Variants in CCNL1 observed in about 807,000 individuals in gnomAD.
CCNL1 encodes the protein cyclin L1.
CCNL1 carries 13 observed loss-of-function variants against 60.6 expected under a neutral mutation model. The observed-to-expected ratio is 0.21, with a 90% CI of 0.14 to 0.34. The LOEUF is 0.34. CCNL1 is among the 10% of genes least tolerant of loss of function. The pLI is 1.00. For synonymous variants in CCNL1, 270 were observed against 244.3 expected (o/e 1.10, Z -0.98); for missense variants, 481 against 664.3 (o/e 0.72, Z 3.03).
Position 157,147,876 on chromosome 3 carries a change from C to T in CCNL1, c.*365G>A, listed in dbSNP as rs1472445324. On this transcript the variant is annotated 3_prime_UTR_variant, in exon 11 of 11. Coordinates refer to ENST00000295926, the MANE Select transcript of CCNL1 (RefSeq NM_020307.4). The stretch of plus-strand genomic sequence containing the variant: ...GACAAACCAGTGTTAAGAAAGTATT[C>T]ACCATCATTTAAACAAATAACCACT... The T allele has an allele frequency of 1.0e-6, 1 of 1,000,194 alleles. No individual in the cohort carries two copies. The highest frequency in any genetic ancestry group is 1.7e-5 in the African/African-American group (1 of 57,840). The allele number at this position is 1,000,194 out of a possible 1,614,324, so 62.0% of individuals were successfully genotyped here.
intron 3 of CCNL1, among the ~76,000 whole-genome samples, chr3:157,157,838 T>A (rs975375113): frequency 6.6e-6 from 1 of 152,206 alleles, no homozygotes; most frequent in African/African-American, 2.4e-5. Flanking sequence ...AATATTTGCT[T>A]GTCTGAATAG....
chr3:157,145,466 C>CAAAA (rs1737755942), downstream of CCNL1, among the ~76,000 whole-genome samples: 18 of 88,960 alleles, frequency 2.0e-4, no homozygotes, highest in African/African-American at 8.3e-4. Flanking sequence ...AAAAAAAAAC[C>CAAAA]AAAACGGGAT....
At position 157,149,855 on chromosome 3, in the gene CCNL1, A is replaced by G. The variant is rs148365707; in HGVS notation, c.1002T>C (p.Phe334=). ...GTPALSTLGG[F]SPASKPSSPR... is the part of the protein sequence containing the mutation. ...TCTTACATGGCTTGGAGGCTGGAGA[A>G]AATCCACCCAGGGTTGAAAGGGCTG... Residue 334 remains phenylalanine, a synonymous_variant, in exon 8 of 11, where the codon TTT becomes TTC. Transcript: ENST00000295926. The G allele has an allele frequency of 1.1e-4, 181 of 1,613,938 alleles. 1 individual carries two copies. In the African/African-American group the frequency reaches 2.1e-3, roughly 19 times the overall value.
chr3:157,144,878 A>G (rs1196041575), downstream of CCNL1, among the ~76,000 whole-genome samples: 2 of 152,234 alleles, frequency 1.3e-5, no homozygotes, highest in African/African-American at 4.8e-5. Context: ...TTGTTATGAT[A>G]TTATTTTTGG....
In CCNL1 at chr3:157,150,057, G is replaced by C. The variant is rs1482267939; in HGVS notation, c.879+8C>G. The C allele has an allele frequency of 1.2e-6, 2 of 1,608,414 alleles. No individual in the cohort carries two copies. Among genetic ancestry groups the C allele is most frequent in the Non-Finnish European group, 1.7e-6 (2 of 1,178,288 alleles). ...GCATGTTGGCACAAACGAGTAAATAGAGAATACCTTTTTTCTGGTATAAAG... is the reference window on the plus strand; with the variant it reads ...GCATGTTGGCACAAACGAGTAAATACAGAATACCTTTTTTCTGGTATAAAG... On this transcript the variant is annotated splice_region_variant and intron_variant, in intron 7 of 10. Coordinates refer to ENST00000295926, the MANE Select transcript of CCNL1 (RefSeq NM_020307.4).
intron 5 of CCNL1, chr3:157,150,616 C>A: frequency 3.3e-6 from 4 of 1,199,422 alleles, no homozygotes; most frequent in Admixed American, 3.8e-5. Context: ...TAAATTATTT[C>A]ATATTACAAT....
chr3:157,155,001 A>G (rs1016732939), intron 3 of CCNL1, among the ~76,000 whole-genome samples: 8 of 152,122 alleles, frequency 5.3e-5, no homozygotes, highest in African/African-American at 1.4e-4. Flanking sequence ...CTTAAGGTCT[A>G]TGATCAGGTT....
At chr3:157,143,691 A>T (rs1280398483), downstream of CCNL1, among the ~76,000 whole-genome samples, 2 of 152,154 alleles carry the variant, frequency 1.3e-5, no homozygotes, top group Admixed American at 6.5e-5. Context: ...GTGTTTAGAG[A>T]GGCTTACTTA....
downstream of CCNL1, among the ~76,000 whole-genome samples, chr3:157,144,404 A>C (rs951415683): frequency 6.6e-6 from 1 of 152,264 alleles, no homozygotes; most frequent in African/African-American, 2.4e-5. Context: ...CACATATACT[A>C]CACAAAATGT....
chr3:157,159,436 T>C lies in CCNL1; in HGVS notation c.347A>G (p.Tyr116Cys), dbSNP rs1374044953. The change falls in exon 2 of 11, where the codon TAC becomes TGC. Residue 116 changes from tyrosine (Y) to cysteine (C), a missense_variant. This residue lies in a region of CCNL1 where 130 missense variants were observed against 174.5 expected (regional missense o/e 0.75). Coordinates refer to ENST00000295926, the MANE Select transcript of CCNL1 (RefSeq NM_020307.4). The stretch of plus-strand genomic sequence containing the variant: ...ACTGTGTTTGACGAAAGATTTGGAG[T>C]AGAAAAAACGATGAAACAACACCTG... ...TGQVLFHRFF[Y>C]SKSFVKHSFE... 6.2e-7 allele frequency: 1 copy of C among 1,613,816 alleles called. No individual in the cohort carries two copies. Among genetic ancestry groups the C allele is most frequent in the South Asian group, 1.1e-5 (1 of 91,074 alleles).
At position 157,149,305 on chromosome 3, in the gene CCNL1, G is replaced by T; in HGVS notation, c.1214C>A (p.Ser405Ter). 1 of 1,612,734 alleles carries T rather than the reference G, an allele frequency of 6.2e-7. No homozygotes were observed. The highest frequency in any genetic ancestry group is 1.1e-5 in the South Asian group (1 of 91,044). The change falls in exon 10 of 11, where the codon TCA becomes TAA. Residue 405 changes from serine (S) to a stop codon, truncating the protein, a stop_gained. Coordinates refer to ENST00000295926, the MANE Select transcript of CCNL1 (RefSeq NM_020307.4). LOFTEE classifies it high-confidence loss of function. ...SRSRTRSRSR[S>*]HTPRRHYNNR... ...TACTTACTGTCTTCTTGGAGTATGT[G>T]ATCTAGAACGTGATCGTGTTCTTGA...
chr3:157,158,089 T>C (rs1182822882), intron 3 of CCNL1, among the ~76,000 whole-genome samples: 1 of 152,190 alleles, frequency 6.6e-6, no homozygotes, highest in African/African-American at 2.4e-5. Flanking sequence ...ATGCAGGAAG[T>C]CCTGCAACAA....
intron 8 of CCNL1, 49 bp from the exon 9 acceptor site, chr3:157,149,645 G>A (rs1377726411): frequency 1.3e-6 from 2 of 1,547,780 alleles, no homozygotes; most frequent in Non-Finnish European, 1.8e-6. Flanking sequence ...TTTAACAGAG[G>A]GCCAAAAGTT....
At chr3:157,159,176 AG>A (rs1158266017) in intron 2 of CCNL1, 2 of 630,104 alleles carry the variant, frequency 3.2e-6, no homozygotes. Context: ...TCAATCTTAC[AG>A]GAGTTCTGCA....
downstream of CCNL1, chr3:157,146,653 T>C (rs949608500): frequency 7.8e-6 from 3 of 385,634 alleles, no homozygotes; most frequent in Non-Finnish European, 1.5e-5. Context: ...CAACATTAAT[T>C]TGCTAACAGG....
At chr3:157,150,674 C>A in intron 5 of CCNL1, 7 of 1,075,020 alleles carry the variant, frequency 6.5e-6, no homozygotes, top group Admixed American at 4.7e-5. Flanking sequence ...CTGTAAAAAG[C>A]AATGCTTTTC....
intron 5 of CCNL1, chr3:157,151,282 T>G: frequency 2.0e-6 from 2 of 985,590 alleles, no homozygotes; most frequent in Non-Finnish European, 2.4e-6. Context: ...ATATAAAAAT[T>G]ACTTCACTAA....
chr3:157,156,217 T>C (rs1462013043), intron 3 of CCNL1, among the ~76,000 whole-genome samples: 2 of 152,212 alleles, frequency 1.3e-5, no homozygotes, highest in East Asian at 3.8e-4. Flanking sequence ...ATACAAAAAT[T>C]TGTAATGCCT....
At chr3:157,144,150 C>T (rs376097810), downstream of CCNL1, among the ~76,000 whole-genome samples, 8 of 152,198 alleles carry the variant, frequency 5.3e-5, no homozygotes, top group East Asian at 9.7e-4. Flanking sequence ...GAAGAGGACA[C>T]CTGGAATCAA....
Sources: allele counts gnomAD v4.1 joint callset (sites outside exome capture counted in the v4.1 genomes callset), GRCh38; gene constraint gnomAD v4.1.1; regional missense constraint gnomAD v4.1.1; transcripts MANE v1.5; gene names NCBI Gene and HGNC (gene_info 2026-07-23, HGNC 2026-07-21).